The following SIPA1L3 variants were observed in gnomAD, a reference collection of about 807,000 sequenced individuals.
The protein encoded by SIPA1L3 is signal-induced proliferation-associated 1-like protein 3.
In SIPA1L3, 59 loss-of-function variants were observed where a neutral mutation model predicts 150.1. The observed-to-expected ratio is 0.39, with a 90% CI of 0.32 to 0.49. SIPA1L3 has a LOEUF of 0.49. Among genes scored for constraint, SIPA1L3 ranks in the 20% least tolerant of loss-of-function variants. The pLI, the probability that SIPA1L3 is intolerant of heterozygous loss-of-function variation, is 0.86. For synonymous variants in SIPA1L3, 1,070 were observed against 1,077.6 expected, an observed-to-expected ratio of 0.99 and a Z score of 0.14; for missense variants, 2,211 against 2,489.5, an observed-to-expected ratio of 0.89 and a Z score of 2.38.
At chr19:38,136,371 A>G (rs922999299) in intron 10 of SIPA1L3, among the ~76,000 whole-genome samples, 7 of 151,806 alleles carry the variant, frequency 4.6e-5, no homozygotes, top group African/African-American at 1.7e-4. Flanking sequence ...TGGGAGGCCG[A>G]GGGAGGCGGA....
rs1254426198 is a variant in SIPA1L3 at position 38,201,853 on chromosome 19, C to A, written c.4985-9C>A. 6.2e-7 allele frequency: 1 copy of A among 1,603,976 alleles called. No homozygotes were observed. Among genetic ancestry groups the A allele is most frequent in the Non-Finnish European group, 8.5e-7 (1 of 1,175,618 alleles). On this transcript the variant is annotated splice_polypyrimidine_tract_variant and intron_variant, in intron 19 of 21. Transcript: ENST00000222345. ...GCTGACCCCTCTCCTCCTCCTCCCT[C>A]CCTGGCAGTGCAAAGAGCCGTCTCA...
Position 38,100,023 on chromosome 19 carries a change from C to A in SIPA1L3, c.1727C>A (p.Thr576Asn), listed in dbSNP as rs777361223. Residue 576 changes from threonine to asparagine, a missense_variant, in exon 5 of 22, where the codon ACC (threonine) becomes AAC (asparagine). Thr to Asn is a moderately conservative substitution (Grantham distance 65). Coordinates refer to ENST00000222345, the MANE Select transcript of SIPA1L3 (RefSeq NM_015073.3). ...ACGCCCACAGCCACCAAGCATGGGA[C>A]CGGGCGGGGCCTGCCCTTGAAGGAT... Reference protein sequence around the residue: ...DATPTATKHGTGRGLPLKDAL... With the variant: ...DATPTATKHGNGRGLPLKDAL... The A allele has an allele frequency of 2.5e-6, 4 of 1,611,380 alleles. No homozygotes were observed. In the Admixed American group the frequency reaches 6.7e-5, roughly 27 times the overall value.
At chr19:38,170,856 C>A (rs924946319) in intron 15 of SIPA1L3, among the ~76,000 whole-genome samples, 1 of 151,124 alleles carries the variant, frequency 6.6e-6, no homozygotes, top group Non-Finnish European at 1.5e-5. Context: ...GAGGAGGGAG[C>A]GGGTGAAGGA....
At chr19:38,172,527 C>T (rs1048588203) in intron 15 of SIPA1L3, among the ~76,000 whole-genome samples, 4 of 152,152 alleles carry the variant, frequency 2.6e-5, no homozygotes, top group African/African-American at 9.7e-5. Flanking sequence ...GAAGGCTTCT[C>T]AGGAGGTGAT....
In SIPA1L3 at chr19:38,082,465, C is replaced by A; in HGVS notation, c.900C>A (p.Ser300=). ...GLGGGDTVDS[S]IFRKLRSSKP... ...GCGGCGGGGACACGGTGGACTCGTCCATCTTTCGGAAGCTAAGGAGCAGCA... is the reference window on the plus strand; with the variant it reads ...GCGGCGGGGACACGGTGGACTCGTCAATCTTTCGGAAGCTAAGGAGCAGCA... The change falls in exon 3 of 22, where the codon TCC becomes TCA. Residue 300 remains serine, a synonymous_variant. Coordinates refer to ENST00000222345, the MANE Select transcript of SIPA1L3 (RefSeq NM_015073.3). 6.3e-7 allele frequency: 1 copy of A among 1,590,056 alleles called. No homozygotes were observed. The highest frequency in any genetic ancestry group is 8.6e-7 in the Non-Finnish European group (1 of 1,168,392).
At chr19:38,100,246 T>C in intron 5 of SIPA1L3, 96 bp downstream of exon 5, 1 of 997,046 alleles carries the variant, frequency 1.0e-6, no homozygotes, top group Non-Finnish European at 1.4e-6. Flanking sequence ...TCTTTTTTCT[T>C]TGCAAGTAAC....
chr19:38,060,107 C>T lies in SIPA1L3; in HGVS notation c.-310-21149C>T, dbSNP rs541082744. ...TCTTTCTAAAAGCAACTGCTCTCTGCACTTCACAGTCACCATTTCCTGGCA... is the reference window on the plus strand; with the variant it reads ...TCTTTCTAAAAGCAACTGCTCTCTGTACTTCACAGTCACCATTTCCTGGCA... On this transcript the variant is annotated intron_variant, in intron 2 of 21. Coordinates refer to ENST00000222345, the MANE Select transcript of SIPA1L3 (RefSeq NM_015073.3). Among the ~76,000 whole-genome samples, 6 of 152,308 alleles carry T rather than the reference C, an allele frequency of 3.9e-5. No homozygotes were observed. In the East Asian group the frequency reaches 9.7e-4, roughly 25 times the overall value.
Position 38,130,732 on chromosome 19 carries a change from G to C in SIPA1L3, c.3103G>C (p.Val1035Leu), listed in dbSNP as rs771114720. ...GCTGCGCACCTCTGTCACTGTGAAG[G>C]TGGTCATCATCCCGCCTTTTGAGGA... is the stretch of plus-strand genomic sequence containing the variant. ...DLLRTSVTVK[V>L]VIIPPFEDGT... Residue 1035 changes from valine (V) to leucine (L), a missense_variant, in exon 10 of 22, where the codon GTG (valine) becomes CTG (leucine). Physicochemically the swap from Val to Leu is conservative, Grantham distance 32. Around this residue, in one of 5 missense-constraint regions of SIPA1L3, gnomAD observed 625 missense variants for 804.2 expected, o/e 0.78. Coordinates refer to ENST00000222345, the MANE Select transcript of SIPA1L3 (RefSeq NM_015073.3). The C allele has an allele frequency of 6.2e-7, 1 of 1,612,582 alleles. No individual in the cohort carries two copies. Among genetic ancestry groups the C allele is most frequent in the Non-Finnish European group, 8.5e-7 (1 of 1,178,746 alleles).
chr19:38,156,792 C>G (rs113496064), intron 13 of SIPA1L3, among the ~76,000 whole-genome samples: 2 of 152,028 alleles, frequency 1.3e-5, no homozygotes, highest in African/African-American at 2.4e-5. Flanking sequence ...GCATTGCACT[C>G]CTGCCTCGGA....
At chr19:37,971,085 T>G (rs772567968) in intron 1 of SIPA1L3, among the ~76,000 whole-genome samples, 3 of 151,998 alleles carry the variant, frequency 2.0e-5, no homozygotes, top group Non-Finnish European at 4.4e-5. Context: ...TGTGTTAAAA[T>G]TTGCCCTTTT....
chr19:38,000,056 T>C (rs1478961750), intron 1 of SIPA1L3, among the ~76,000 whole-genome samples: 2 of 152,200 alleles, frequency 1.3e-5, no homozygotes, highest in Non-Finnish European at 2.9e-5. Flanking sequence ...AAGGATTAAA[T>C]TAGATACTGT....
chr19:37,958,691 G>A (rs557149261), intron 1 of SIPA1L3, among the ~76,000 whole-genome samples: 1 of 152,208 alleles, frequency 6.6e-6, no homozygotes, highest in East Asian at 1.9e-4. Context: ...TAGACACATT[G>A]GACTTCATGA....
rs779817163 is a variant in SIPA1L3, at chr19:38,142,664, A to G, written c.3487A>G (p.Thr1163Ala). Reference protein sequence around the residue: ...PYRQPSGSFSTPGSATYVRYK... With the variant: ...PYRQPSGSFSAPGSATYVRYK... The stretch of plus-strand genomic sequence containing the variant: ...CCGACAGCCTTCTGGGAGCTTCTCC[A>G]CCCCCGGTTCGGCCACCTACGTGAG... The change falls in exon 12 of 22, where the codon ACC becomes GCC. Residue 1163 changes from threonine to alanine, a missense_variant. Around this residue, in one of 5 missense-constraint regions of SIPA1L3, gnomAD observed 806 missense variants for 870.1 expected, o/e 0.93. Coordinates refer to ENST00000222345, the MANE Select transcript of SIPA1L3 (RefSeq NM_015073.3). The G allele has an allele frequency of 6.2e-7, 1 of 1,613,526 alleles. No individual in the cohort carries two copies. The highest frequency in any genetic ancestry group is 8.5e-7 in the Non-Finnish European group (1 of 1,179,840).
intron 2 of SIPA1L3, among the ~76,000 whole-genome samples, chr19:38,078,460 A>ACACACACACAGG (rs1239783295): frequency 5.2e-4 from 79 of 150,854 alleles, no homozygotes; most frequent in Non-Finnish European, 7.2e-4. Flanking sequence ...ACACACACAC[A>ACACACACACAGG]CACACACACA....
chr19:37,966,643 C>T (rs775124862), intron 1 of SIPA1L3, among the ~76,000 whole-genome samples: 1 of 152,128 alleles, frequency 6.6e-6, no homozygotes, highest in Non-Finnish European at 1.5e-5. Flanking sequence ...GATTTTGATC[C>T]GCCTCCACCC....
At chr19:38,172,592 C>T (rs1357275539) in intron 15 of SIPA1L3, among the ~76,000 whole-genome samples, 2 of 152,092 alleles carry the variant, frequency 1.3e-5, no homozygotes, top group African/African-American at 4.8e-5. Flanking sequence ...GATGACTAGA[C>T]CCTGAGGGTG....
At chr19:38,064,900 T>A (rs1969537245) in intron 2 of SIPA1L3, among the ~76,000 whole-genome samples, 1 of 152,208 alleles carries the variant, frequency 6.6e-6, no homozygotes, top group South Asian at 2.1e-4. Context: ...GTGATGGAGC[T>A]GGGAATTGAA....
At chr19:38,162,468 C>A in intron 14 of SIPA1L3, 97 bp downstream of exon 14, 1 of 846,486 alleles carries the variant, frequency 1.2e-6, no homozygotes, top group Non-Finnish European at 2.0e-6. Context: ...ACCTCTGCCA[C>A]CTTCCACTCA....
At chr19:38,117,820 C>G (rs1970922411) in intron 8 of SIPA1L3, among the ~76,000 whole-genome samples, 1 of 152,136 alleles carries the variant, frequency 6.6e-6, no homozygotes, top group East Asian at 1.9e-4. Flanking sequence ...GGGTCTCTCT[C>G]TGTTGCCCAG....
Sources: gnomAD v4.1 joint callset for allele counts (sites outside exome capture counted in the v4.1 genomes callset) on GRCh38, gnomAD v4.1.1 for gene constraint, gnomAD v4.1.1 regional missense constraint, MANE v1.5 for transcripts, NCBI Gene and HGNC (gene_info 2026-07-23, HGNC 2026-07-21) for gene names.